The following DNAH17 variants were observed in gnomAD, a reference collection of about 807,000 sequenced individuals.
DNAH17 encodes axonemal beta dynein heavy chain 17.
A neutral mutation model predicts 485.6 loss-of-function variants in DNAH17; 376 were observed. The observed-to-expected ratio is 0.77, with a 90% CI of 0.71 to 0.84. The LOEUF is 0.84. DNAH17 is among the 40% of genes least tolerant of loss of function. DNAH17 has a pLI of 0.00. For synonymous variants in DNAH17, 3,031 were observed against 2,405.9 expected (o/e 1.26, Z -7.60); for missense variants, 6,370 against 5,839.3 (o/e 1.09, Z -2.96).
chr17:78,552,636 G>T, intron 15 of DNAH17, 61 bp downstream of exon 15: 1 of 1,216,536 alleles, frequency 8.2e-7, no homozygotes, highest in Non-Finnish European at 1.2e-6. Flanking sequence ...TTTGAGGACA[G>T]ATGCTGGGCA....
At chr17:78,544,399 G>A (rs2091693984) in intron 16 of DNAH17, among the ~76,000 whole-genome samples, 1 of 152,184 alleles carries the variant, frequency 6.6e-6, no homozygotes, top group South Asian at 2.1e-4. Context: ...GGGCCACGTG[G>A]GAGTAAGTCC....
intron 71 of DNAH17, among the ~76,000 whole-genome samples, chr17:78,444,140 A>G (rs1031812700): frequency 6.6e-6 from 1 of 152,186 alleles, no homozygotes; most frequent in Admixed American, 6.5e-5. Flanking sequence ...AAGTCCTCGA[A>G]TGCTGATGGG....
intron 16 of DNAH17, among the ~76,000 whole-genome samples, chr17:78,546,341 C>T (rs1233454736): frequency 6.6e-6 from 1 of 152,134 alleles, no homozygotes; most frequent in Non-Finnish European, 1.5e-5. Context: ...TTAGATATCT[C>T]TTGGAAGTAG....
Position 78,555,965 on chromosome 17 carries a change from G to A in DNAH17, c.2178+2143C>T, listed in dbSNP as rs2092012813. The stretch of plus-strand genomic sequence containing the variant: ...CTAGTTGTCAGGCTTTGGACTCAGA[G>A]TAACACCACCTGCTTTCCTGAGTTT... On this transcript the variant is annotated intron_variant, in intron 14 of 80. Coordinates refer to ENST00000389840, the MANE Select transcript of DNAH17 (RefSeq NM_173628.4). 2.6e-5 allele frequency among the ~76,000 whole-genome samples: 4 copies of A among 152,216 alleles called. No homozygotes were observed. In the South Asian group the frequency reaches 8.3e-4, roughly 31 times the overall value.
chr17:78,501,999 A>G, intron 33 of DNAH17, 126 bp from the exon 34 acceptor site: 1 of 1,407,472 alleles, frequency 7.1e-7, no homozygotes, highest in Non-Finnish European at 9.7e-7. Flanking sequence ...ATGAAAAACA[A>G]GAGCGCCCTC....
At chr17:78,430,736 A>G (rs1054622958) in intron 75 of DNAH17, among the ~76,000 whole-genome samples, 1 of 152,158 alleles carries the variant, frequency 6.6e-6, no homozygotes, top group African/African-American at 2.4e-5. Context: ...GCACACCACC[A>G]TAGCCAGCTA....
chr17:78,479,847 A>G (rs1340612805), intron 49 of DNAH17, among the ~76,000 whole-genome samples: 3 of 152,242 alleles, frequency 2.0e-5, no homozygotes, highest in Non-Finnish European at 4.4e-5. Flanking sequence ...CATGCTCTCA[A>G]GAAGAATTTT....
At chr17:78,562,442 C>T (rs2092177223) in intron 11 of DNAH17, among the ~76,000 whole-genome samples, 1 of 152,004 alleles carries the variant, frequency 6.6e-6, no homozygotes, top group Non-Finnish European at 1.5e-5. Context: ...ATAAAAAATA[C>T]AAAGAATACA....
At chr17:78,544,836 T>C (rs1282550268) in intron 16 of DNAH17, among the ~76,000 whole-genome samples, 1 of 116,752 alleles carries the variant, frequency 8.6e-6, no homozygotes, top group Admixed American at 8.4e-5. Context: ...GTGGGGGTGG[T>C]GGCCACTTTT....
At chr17:78,472,282 G>T (rs1259845618) in intron 54 of DNAH17, among the ~76,000 whole-genome samples, 1 of 144,892 alleles carries the variant, frequency 6.9e-6, no homozygotes, top group Admixed American at 6.8e-5. Flanking sequence ...AGGGGTGCGA[G>T]GGTTAGGGTT....
At chr17:78,566,787 A>C (rs2092274281) in intron 10 of DNAH17, 57 bp from the exon 11 acceptor site, 12 of 1,438,464 alleles carry the variant, frequency 8.3e-6, no homozygotes, top group Non-Finnish European at 1.0e-5. Flanking sequence ...AGCCAAGGGC[A>C]CCCTCTCCAG....
chr17:78,449,851 T>C (rs1448594515), intron 68 of DNAH17: 10 of 449,288 alleles, frequency 2.2e-5, no homozygotes, highest in Admixed American at 3.5e-5. Flanking sequence ...TTTTTTTTTA[T>C]TTTTAGTACA....
At chr17:78,424,193 G>C (rs1228097228) in intron 80 of DNAH17, 40 bp from the exon 81 acceptor site, 3 of 1,574,348 alleles carry the variant, frequency 1.9e-6, no homozygotes, top group Non-Finnish European at 2.6e-6. Context: ...TGTGCTGCCA[G>C]TAAGTGAGGG....
At chr17:78,425,885 C>T (rs1205812194) in intron 79 of DNAH17, among the ~76,000 whole-genome samples, 1 of 151,722 alleles carries the variant, frequency 6.6e-6, no homozygotes, top group Admixed American at 6.6e-5. Context: ...CCTGCCTCAG[C>T]TTCCAGAGTA....
In DNAH17 at chr17:78,450,315, A is replaced by G. The variant is rs763792974; in HGVS notation, c.10979T>C (p.Leu3660Pro). ...GAGATCGTTCAGTATGAAGTAGAGC[A>G]GAGATGCCCTCTCCGCAGCCGGGCG... is the stretch of plus-strand genomic sequence containing the variant. The part of the protein sequence containing the change: ...NYRPAAERAS[L>P]LYFILNDLNK... The change falls in exon 68 of 81, where the codon CTG (leucine) becomes CCG (proline). Residue 3660 changes from leucine to proline, a missense_variant. Coordinates refer to ENST00000389840, the MANE Select transcript of DNAH17 (RefSeq NM_173628.4). 6.2e-7 allele frequency: 1 copy of G among 1,613,996 alleles called. No homozygotes were observed. Among genetic ancestry groups the G allele is most frequent in the African/African-American group, 1.3e-5 (1 of 75,078 alleles).
At chr17:78,553,808 A>G (rs1391563942) in intron 14 of DNAH17, among the ~76,000 whole-genome samples, 3 of 152,162 alleles carry the variant, frequency 2.0e-5, no homozygotes, top group Middle Eastern at 3.2e-3. Flanking sequence ...AGTAATTGCC[A>G]TCTTTTCCGT....
rs1434909073 is a variant in DNAH17 at position 78,486,208 on chromosome 17, C to T, written c.7101+16G>A. The stretch of plus-strand genomic sequence containing the variant: ...AGAGACCCTGTGTGGGTGGCCGGGC[C>T]CCCCAGGTGCATCACCTGGTCCTGG... On this transcript the variant is annotated intron_variant, in intron 45 of 80. Transcript: ENST00000389840. 1.9e-6 allele frequency: 3 copies of T among 1,585,200 alleles called. No individual in the cohort carries two copies. Among genetic ancestry groups the T allele is most frequent in the African/African-American group, 1.3e-5 (1 of 74,268 alleles).
rs916530968 is a variant in DNAH17 at position 78,479,219 on chromosome 17, C to T, written c.7901-103G>A. Reference sequence around the variant, plus strand: ...CCAATGGACTACGAAATGGTGACAACTGGAGTAAGAAATCTGCACAGCTCT... The same window carrying T: ...CCAATGGACTACGAAATGGTGACAATTGGAGTAAGAAATCTGCACAGCTCT... On this transcript the variant is annotated intron_variant, in intron 50 of 80. Transcript: ENST00000389840. 3.3e-6 allele frequency: 4 copies of T among 1,207,436 alleles called. No homozygotes were observed. In the African/African-American group the frequency reaches 6.1e-5, roughly 18 times the overall value. The allele number at this position is 1,207,436 out of a possible 1,614,324, so 74.8% of individuals were successfully genotyped here.
Position 78,570,253 on chromosome 17 carries a change from G to A in DNAH17, c.1038C>T (p.Ile346=), listed in dbSNP as rs776630393. The A allele has an allele frequency of 2.3e-5, 36 of 1,584,656 alleles. No individual in the cohort carries two copies. The highest frequency in any genetic ancestry group is 1.4e-4 in the East Asian group (6 of 43,718). The change falls in exon 7 of 81, where the codon ATC becomes ATT. Residue 346 remains isoleucine, a synonymous_variant. Coordinates refer to ENST00000389840, the MANE Select transcript of DNAH17 (RefSeq NM_173628.4). The stretch of plus-strand genomic sequence containing the variant: ...GGGGCCAGGGGAGGGTTACCATCTC[G>A]ATGATTTGGTTGCAGAACTCCTGCA... ...VILQEFCNQI[I]EMTRTFLSPE... is the part of the protein sequence containing the mutation.
Sources: allele counts gnomAD v4.1 joint callset (sites outside exome capture counted in the v4.1 genomes callset), GRCh38; gene constraint gnomAD v4.1.1; transcripts MANE v1.5; gene names NCBI Gene and HGNC (gene_info 2026-07-23, HGNC 2026-07-21).